Variants in ANKRD12 observed in about 807,000 individuals in gnomAD.
ANKRD12 encodes the protein ankyrin repeat domain-containing protein 12.
In ANKRD12, 85 loss-of-function variants were observed where a neutral mutation model predicts 183.4. That is an observed-to-expected ratio of 0.46 (90% confidence interval 0.39 to 0.56). The LOEUF is 0.56. Among genes scored for constraint, ANKRD12 ranks in the 20% least tolerant of loss-of-function variants. The pLI is 0.00. For synonymous variants in ANKRD12, 914 were observed against 800.2 expected (o/e 1.14, Z -2.40); for missense variants, 2,405 against 2,357.1 (o/e 1.02, Z -0.42).
intron 10 of ANKRD12, among the ~76,000 whole-genome samples, chr18:9,272,444 C>A (rs1291315768): frequency 1.3e-5 from 2 of 151,988 alleles, no homozygotes; most frequent in Non-Finnish European, 2.9e-5. Context: ...CACCTGTAAT[C>A]CCAGCTACTC....
At chr18:9,209,498 A>C (rs1454820558) in intron 5 of ANKRD12, among the ~76,000 whole-genome samples, 1 of 152,226 alleles carries the variant, frequency 6.6e-6, no homozygotes, top group Admixed American at 6.5e-5. Flanking sequence ...ATAATTTTTC[A>C]GTGAGTTTTT....
At chr18:9,150,016 C>T (rs1255197176) in intron 1 of ANKRD12, among the ~76,000 whole-genome samples, 1 of 151,868 alleles carries the variant, frequency 6.6e-6, no homozygotes, top group Non-Finnish European at 1.5e-5. Context: ...AGGCTGGTCT[C>T]GACCTCCTGA....
At chr18:9,223,261 T>C (rs552021032) in intron 8 of ANKRD12, among the ~76,000 whole-genome samples, 93 of 147,446 alleles carry the variant, frequency 6.3e-4, no homozygotes, top group Non-Finnish European at 1.1e-3. Context: ...CTCTCTCTCT[T>C]TTTTTTTTTT....
At chr18:9,278,578 C>T (rs1162545051) in intron 11 of ANKRD12, among the ~76,000 whole-genome samples, 1 of 152,208 alleles carries the variant, frequency 6.6e-6, no homozygotes, top group Non-Finnish European at 1.5e-5. Flanking sequence ...GTGGGCAGAT[C>T]ACGAGGTCAG....
chr18:9,178,884 C>T (rs1350888510), intron 1 of ANKRD12, among the ~76,000 whole-genome samples: 2 of 151,686 alleles, frequency 1.3e-5, no homozygotes, highest in Non-Finnish European at 2.9e-5. Flanking sequence ...TATATTTATC[C>T]CTGAGAATTT....
intron 7 of ANKRD12, among the ~76,000 whole-genome samples, chr18:9,218,794 C>T (rs1489642453): frequency 1.3e-5 from 2 of 151,992 alleles, no homozygotes; most frequent in East Asian, 1.9e-4. Flanking sequence ...TTTAGCTTCC[C>T]AAGTAGCTGG....
intron 8 of ANKRD12, among the ~76,000 whole-genome samples, chr18:9,227,037 G>A (rs768776778): frequency 2.5e-4 from 38 of 152,154 alleles, no homozygotes; most frequent in Non-Finnish European, 4.6e-4. Context: ...CAGTAGATTG[G>A]TGTCATATCA....
intron 10 of ANKRD12, among the ~76,000 whole-genome samples, chr18:9,265,328 T>A (rs1567994427): frequency 6.6e-6 from 1 of 152,274 alleles, no homozygotes; most frequent in East Asian, 1.9e-4. Context: ...GACTGCCTTC[T>A]CAAGTGGGTC....
chr18:9,165,589 A>G lies in ANKRD12; in HGVS notation c.-51-16793A>G, dbSNP rs142446836. Among the ~76,000 whole-genome samples, 964 of 152,274 alleles carry G rather than the reference A, an allele frequency of 6.3e-3. 7 individuals carry two copies. The highest frequency in any genetic ancestry group is 0.017 in the Middle Eastern group (5 of 294). On this transcript the variant is annotated intron_variant, in intron 1 of 12. Coordinates refer to ENST00000262126, the MANE Select transcript of ANKRD12 (RefSeq NM_015208.5). The stretch of plus-strand genomic sequence containing the variant: ...TTGGCTATTCTAAGTACTTCACACA[A>G]GTGGAATCATATAGTATTTGTCCTT...
At position 9,221,851 on chromosome 18, in the gene ANKRD12, G is replaced by A; in HGVS notation, c.796-1G>A. On this transcript the variant is annotated splice_acceptor_variant, in intron 7 of 12. Transcript: ENST00000262126. LOFTEE classifies it high-confidence loss of function. ...AGTCTTCCTGCTTTTTATTGTTGCA[G>A]ATAGTAAAGCTGTTACTTCGTCACG... The A allele has an allele frequency of 6.2e-7, 1 of 1,613,576 alleles. No individual in the cohort carries two copies. The highest frequency in any genetic ancestry group is 8.5e-7 in the Non-Finnish European group (1 of 1,179,734).
intron 8 of ANKRD12, among the ~76,000 whole-genome samples, chr18:9,245,789 T>C (rs1670249268): frequency 6.6e-6 from 1 of 152,196 alleles, no homozygotes; most frequent in Non-Finnish European, 1.5e-5. Context: ...GTTTTGTCAA[T>C]ATACTCAATC....
chr18:9,144,498 G>C (rs1036785277), intron 1 of ANKRD12, among the ~76,000 whole-genome samples: 14 of 152,082 alleles, frequency 9.2e-5, no homozygotes, highest in African/African-American at 3.1e-4. Context: ...TGTATACTCA[G>C]ATGTTAGGGT....
intron 3 of ANKRD12, 122 bp from the exon 4 acceptor site, chr18:9,204,354 A>G: frequency 1.4e-6 from 1 of 713,532 alleles, no homozygotes; most frequent in Admixed American, 3.1e-5. Flanking sequence ...TTTAAAAATA[A>G]TCTTTTGGCA....
At chr18:9,194,629 T>G (rs909536820) in intron 2 of ANKRD12, among the ~76,000 whole-genome samples, 15 of 152,164 alleles carry the variant, frequency 9.9e-5, no homozygotes, top group African/African-American at 3.6e-4. Flanking sequence ...AGTGCCGGGA[T>G]TAACAGGCAT....
intron 9 of ANKRD12, among the ~76,000 whole-genome samples, chr18:9,262,326 G>T (rs2039018260): frequency 6.6e-6 from 1 of 152,146 alleles, no homozygotes; most frequent in Non-Finnish European, 1.5e-5. Flanking sequence ...ATCTTACTTT[G>T]CCATAATATG....
intron 2 of ANKRD12, among the ~76,000 whole-genome samples, chr18:9,189,869 ATGT>A (rs1208929538): frequency 1.3e-5 from 2 of 152,216 alleles, no homozygotes; most frequent in Non-Finnish European, 2.9e-5. Flanking sequence ...AAAGAGAATA[ATGT>A]TGTTTTCATG....
At chr18:9,137,847 G>C (rs1223375236) in intron 1 of ANKRD12, 1 of 152,226 alleles carries the variant, frequency 6.6e-6, no homozygotes, top group Non-Finnish European at 1.5e-5. Context: ...AGATCCCAAA[G>C]CGTTGAATAA....
At position 9,257,052 on chromosome 18, in the gene ANKRD12, A is replaced by T; in HGVS notation, c.3785A>T (p.Glu1262Val). 2 of 1,614,096 alleles carry T rather than the reference A, an allele frequency of 1.2e-6. No individual in the cohort carries two copies. The highest frequency in any genetic ancestry group is 1.7e-6 in the Non-Finnish European group (2 of 1,179,992). Residue 1262 changes from glutamate (E) to valine (V), a missense_variant, in exon 9 of 13, where the codon GAA becomes GTA. Around this residue, in one of 7 missense-constraint regions of ANKRD12, gnomAD observed 1,983 missense variants for 1,725.9 expected, o/e 1.15. Transcript: ENST00000262126. The stretch of plus-strand genomic sequence containing the variant: ...AAATCTCCTGCTCTTCATGAAAGGG[A>T]ATTGGACAGCCTGGCTGACTTGCCG... ...IAKSPALHERELDSLADLPER... is the reference protein window; with the variant it reads ...IAKSPALHERVLDSLADLPER...
intron 9 of ANKRD12, chr18:9,259,358 CAA>C (rs2038828912): frequency 6.6e-6 from 1 of 152,660 alleles, no homozygotes; most frequent in Non-Finnish European, 1.5e-5. Context: ...TTTAATGTAA[CAA>C]ACACATTTAC....
Sources: gnomAD v4.1 joint callset for allele counts (sites outside exome capture counted in the v4.1 genomes callset) on GRCh38, gnomAD v4.1.1 for gene constraint, gnomAD v4.1.1 regional missense constraint, MANE v1.5 for transcripts, NCBI Gene and HGNC (gene_info 2026-07-23, HGNC 2026-07-21) for gene names.